The following TTLL5 variants were observed in gnomAD, a reference collection of about 807,000 sequenced individuals.
TTLL5 encodes tubulin polyglutamylase TTLL5.
TTLL5 carries 132 observed loss-of-function variants against 168.4 expected under a neutral mutation model. That is an observed-to-expected ratio of 0.78 (90% CI 0.68 to 0.91). TTLL5 has a LOEUF of 0.91. Among genes scored for constraint, TTLL5 ranks in the 40% least tolerant of loss-of-function variants. The pLI is 0.00. For missense variants in TTLL5, 1,545 were observed against 1,581.5 expected (o/e 0.98, Z 0.39); for synonymous variants, 546 against 558.6 (o/e 0.98, Z 0.32).
chr14:75,880,336 C>T (rs763407495), intron 29 of TTLL5, among the ~76,000 whole-genome samples: 5 of 152,208 alleles, frequency 3.3e-5, no homozygotes, highest in East Asian at 1.9e-4. Context: ...TAGTTGTCAC[C>T]GTGGCAACAT....
At chr14:75,720,827 C>A in intron 12 of TTLL5, 124 bp downstream of exon 12, 1 of 795,766 alleles carries the variant, frequency 1.3e-6, no homozygotes. Context: ...ACTCTTCTTT[C>A]TAAGCTCATG....
intron 30 of TTLL5, among the ~76,000 whole-genome samples, chr14:75,889,153 G>A (rs551733416): frequency 2.6e-5 from 4 of 152,306 alleles, no homozygotes; most frequent in East Asian, 1.9e-4. Context: ...TGAGAACTAC[G>A]TAAGTGAAAA....
chr14:75,850,054 C>T (rs867043277), intron 28 of TTLL5, among the ~76,000 whole-genome samples: 10 of 151,456 alleles, frequency 6.6e-5, no homozygotes, highest in South Asian at 2.1e-4. Context: ...TGCAGTAAAC[C>T]GAGATCATAC....
Position 75,830,707 on chromosome 14 carries a change from A to G in TTLL5, c.3326+10546A>G, listed in dbSNP as rs188616171. Among the ~76,000 whole-genome samples the G allele has an allele frequency of 9.1e-4, 138 of 152,294 alleles. 1 individual carries two copies. Among genetic ancestry groups the G allele is most frequent in the African/African-American group, 2.8e-3 (116 of 41,566 alleles). ...TCTATTTGTTTACTGTTTACTTTCT[A>G]TCACTCTTTCACTTAAGTGTATGTT... On this transcript the variant is annotated intron_variant, in intron 28 of 31. Transcript: ENST00000298832.
intron 2 of TTLL5, among the ~76,000 whole-genome samples, chr14:75,664,654 G>T (rs1032317699): frequency 2.6e-5 from 4 of 152,156 alleles, no homozygotes; most frequent in Non-Finnish European, 5.9e-5. Flanking sequence ...TCACTGTTAG[G>T]TCATAGAAAC....
chr14:75,697,756 C>T (rs764557476), intron 6 of TTLL5, among the ~76,000 whole-genome samples: 5 of 152,148 alleles, frequency 3.3e-5, no homozygotes, highest in African/African-American at 4.8e-5. Flanking sequence ...TGTTCTGATA[C>T]TGGAGCCCTA....
chr14:75,845,994 G>A (rs986863383), intron 28 of TTLL5, among the ~76,000 whole-genome samples: 3 of 152,148 alleles, frequency 2.0e-5, no homozygotes, highest in African/African-American at 7.2e-5. Context: ...ATTAGGGGCT[G>A]GTGCGATAGA....
chr14:75,825,738 C>T (rs1268785517), intron 28 of TTLL5, among the ~76,000 whole-genome samples: 1 of 152,098 alleles, frequency 6.6e-6, no homozygotes, highest in Non-Finnish European at 1.5e-5. Context: ...CCTCTTTCTT[C>T]TCTTTCATAA....
At chr14:75,902,404 T>A in intron 31 of TTLL5, 180 bp downstream of exon 31, 1 of 707,296 alleles carries the variant, frequency 1.4e-6, no homozygotes. Context: ...CTTGGCAGCC[T>A]AAAATAGGCA....
rs542054812 is a variant in TTLL5 at position 75,903,377 on chromosome 14, C to T, written c.3823+1153C>T. Among the ~76,000 whole-genome samples, 7 of 152,054 alleles carry T rather than the reference C, an allele frequency of 4.6e-5. No individual in the cohort carries two copies. In the East Asian group the frequency reaches 9.7e-4, roughly 21 times the overall value. ...AGCAAAGACCGGGGGGAAGTGAAAACGTGCTGTGTTCCACAGGCTTCCATG... is the reference window on the plus strand; with the variant it reads ...AGCAAAGACCGGGGGGAAGTGAAAATGTGCTGTGTTCCACAGGCTTCCATG... On this transcript the variant is annotated intron_variant, in intron 31 of 31. Transcript: ENST00000298832.
At chr14:75,947,884 G>A (rs1369250234) in intron 31 of TTLL5, among the ~76,000 whole-genome samples, 2 of 150,780 alleles carry the variant, frequency 1.3e-5, no homozygotes, top group East Asian at 3.9e-4. Context: ...AGGCTGCAGT[G>A]AGCTGTGTTC....
intron 6 of TTLL5, 66 bp downstream of exon 6, chr14:75,690,388 G>A: frequency 6.5e-7 from 1 of 1,527,214 alleles, no homozygotes; most frequent in Non-Finnish European, 8.8e-7. Flanking sequence ...TACCCCAAAA[G>A]CCTCCTCAAG....
chr14:75,747,536 AT>A (rs750667885), intron 17 of TTLL5, among the ~76,000 whole-genome samples: 172 of 140,526 alleles, frequency 1.2e-3, no homozygotes, highest in Middle Eastern at 3.8e-3. Context: ...ACCCTTTTGA[AT>A]TTTTTTTTTT....
intron 15 of TTLL5, among the ~76,000 whole-genome samples, chr14:75,741,673 A>G (rs1010130532): frequency 6.6e-6 from 1 of 151,686 alleles, no homozygotes; most frequent in East Asian, 1.9e-4. Context: ...ACCTGTGTCT[A>G]TAACTCAGGT....
intron 13 of TTLL5, among the ~76,000 whole-genome samples, chr14:75,733,639 A>G (rs1030245282): frequency 1.3e-5 from 2 of 152,158 alleles, no homozygotes; most frequent in African/African-American, 4.8e-5. Flanking sequence ...CTCATAAAAG[A>G]GCATACTGAA....
At chr14:75,718,194 T>C (rs1471807267) in intron 10 of TTLL5, among the ~76,000 whole-genome samples, 2 of 152,216 alleles carry the variant, frequency 1.3e-5, no homozygotes, top group African/African-American at 2.4e-5. Flanking sequence ...CTTCACAAGT[T>C]TTTCTTCCTC....
At chr14:75,666,938 T>C (rs767503207) in intron 2 of TTLL5, among the ~76,000 whole-genome samples, 7 of 152,256 alleles carry the variant, frequency 4.6e-5, no homozygotes, top group Non-Finnish European at 1.0e-4. Context: ...TTTTAATATG[T>C]ACCAGTTTCT....
chr14:75,897,799 G>GT (rs1454836324), intron 30 of TTLL5, among the ~76,000 whole-genome samples: 4 of 152,102 alleles, frequency 2.6e-5, no homozygotes, highest in African/African-American at 9.7e-5. Context: ...ATCATTGACA[G>GT]TTTATCCTCA....
chr14:75,846,444 A>G (rs776344359), intron 28 of TTLL5, among the ~76,000 whole-genome samples: 12 of 152,194 alleles, frequency 7.9e-5, no homozygotes, highest in Non-Finnish European at 1.8e-4. Context: ...ATGGTTTAAT[A>G]GTTACAGTAT....
Sources: gnomAD v4.1 joint callset for allele counts (sites outside exome capture counted in the v4.1 genomes callset) on GRCh38, gnomAD v4.1.1 for gene constraint, MANE v1.5 for transcripts, NCBI Gene and HGNC (gene_info 2026-07-23, HGNC 2026-07-21) for gene names.